The following MROH2A variants were observed in gnomAD, a reference collection of about 807,000 sequenced individuals.
MROH2A encodes maestro heat like repeat family member 2A, also known as maestro heat-like repeat-containing protein family member 2A.
A neutral mutation model predicts 200.4 loss-of-function variants in MROH2A; 174 were observed. That is an observed-to-expected ratio of 0.87 (90% CI 0.77 to 0.98). The LOEUF (loss-of-function observed/expected upper bound fraction) is 0.98. MROH2A is among the 50% of genes least tolerant of loss of function. The probability of loss-of-function intolerance (pLI) is 0.00; values close to 1 mark genes in which losing one functional copy is unlikely to be tolerated. For missense variants in MROH2A, 2,045 were observed against 2,139.6 expected (o/e 0.96, Z 0.87); for synonymous variants, 829 against 840.4 (o/e 0.99, Z 0.23).
In MROH2A at chr2:233,822,200, C is replaced by G; in HGVS notation, c.3589C>G (p.Arg1197Gly). 1 of 1,549,132 alleles carries G rather than the reference C, an allele frequency of 6.5e-7. No homozygotes were observed. The highest frequency in any genetic ancestry group is 1.2e-5 in the South Asian group (1 of 84,060). The change falls in exon 32 of 42, where the codon CGG (arginine) becomes GGG (glycine). Residue 1197 changes from arginine to glycine, a missense_variant. Transcript: ENST00000389758. ...GACCATGCTCCACAGCCTGATGGGC[C>G]GGCTGCAGTCACGGCTCAGCCCCAG... ...ARTMLHSLMG[R>G]LQSRLSPRIS...
chr2:233,776,881 T>A (rs7586006), upstream of MROH2A, among the ~76,000 whole-genome samples: 1 of 152,056 alleles, frequency 6.6e-6, no homozygotes, highest in Non-Finnish European at 1.5e-5. Context: ...GTTTCAAGTC[T>A]AGGCCTCAAG....
Position 233,805,090 on chromosome 2 carries a change from T to C in MROH2A, c.2031T>C (p.Phe677=). 6.5e-7 allele frequency: 1 copy of C among 1,549,574 alleles called. No homozygotes were observed. The highest frequency in any genetic ancestry group is 2.4e-5 in the East Asian group (1 of 40,864). ...AGCTGAACAACCAGATTGCGAGCTT[T>C]GACAGCCCCTCTCTGGAGAAGGTTT... is the stretch of plus-strand genomic sequence containing the variant. ...SKELNNQIAS[F]DSPSLEKGFL... is the part of the protein sequence containing the mutation. The change falls in exon 19 of 42, where the codon TTT becomes TTC. Residue 677 remains phenylalanine (F), a synonymous_variant. Transcript: ENST00000389758.
chr2:233,822,326 G>A (rs1436650955), intron 32 of MROH2A, 37 bp from the exon 33 acceptor site: 4 of 1,548,426 alleles, frequency 2.6e-6, no homozygotes, highest in Non-Finnish European at 3.5e-6. Flanking sequence ...AGGGGTCTCT[G>A]GGTAGGAGCC....
Position 233,789,745 on chromosome 2 carries a change from G to GCT in MROH2A, c.409-106_409-105dup, listed in dbSNP as rs1701604560. ...AGTTACCTCTCAGAGCAGGGGTAAG[G>GCT]CTGAGCCCAAGGGAACCAGGAGGGG... On this transcript the variant is annotated intron_variant, in intron 4 of 41. Coordinates refer to ENST00000389758, the MANE Select transcript of MROH2A (RefSeq NM_001394639.1). The GCT allele has an allele frequency of 8.1e-6, 12 of 1,475,544 alleles. No individual in the cohort carries two copies. In the East Asian group the frequency reaches 3.0e-4, roughly 37 times the overall value. 91.4% of individuals were successfully genotyped at this position (1,475,544 alleles called of 1,614,324 possible).
In MROH2A at chr2:233,818,767, C is replaced by T. The variant is rs934298166; in HGVS notation, c.3201C>T (p.Ala1067=). 1 of 1,540,620 alleles carries T rather than the reference C, an allele frequency of 6.5e-7. No individual in the cohort carries two copies. The highest frequency in any genetic ancestry group is 8.8e-7 in the Non-Finnish European group (1 of 1,138,522). Residue 1067 remains alanine (A), a synonymous_variant, in exon 29 of 42, where the codon GCC becomes GCT. Transcript: ENST00000389758. The part of the protein sequence containing the change: ...EKIFCASSRI[A]KVVCMEFSCD... Reference sequence around the variant, plus strand: ...TCTTCTGTGCATCCTCCAGAATCGCCAAGGTGACAGCCGGGGAGCCTGCCT... The same window carrying T: ...TCTTCTGTGCATCCTCCAGAATCGCTAAGGTGACAGCCGGGGAGCCTGCCT...
chr2:233,824,559 G>A (rs1704176941), intron 35 of MROH2A, among the ~76,000 whole-genome samples: 1 of 152,204 alleles, frequency 6.6e-6, no homozygotes, highest in East Asian at 1.9e-4. Context: ...AGCCACACAG[G>A]GCCAGGCGCA....
chr2:233,793,613 G>A (rs538269513), intron 6 of MROH2A, 60 bp from the exon 7 acceptor site: 1,649 of 1,323,406 alleles, frequency 1.2e-3, no homozygotes, highest in Non-Finnish European at 1.5e-3. Flanking sequence ...GGGCTGGGAA[G>A]GCTTGGTTCT....
At chr2:233,780,081 C>CGTA (rs1363471904) in intron 3 of MROH2A, among the ~76,000 whole-genome samples, 1 of 152,178 alleles carries the variant, frequency 6.6e-6, no homozygotes, top group Non-Finnish European at 1.5e-5. Context: ...AGCCATTGTC[C>CGTA]TACAGCACAT....
chr2:233,799,427 G>T (rs1054346200), intron 12 of MROH2A, among the ~76,000 whole-genome samples: 1 of 152,150 alleles, frequency 6.6e-6, no homozygotes, highest in Non-Finnish European at 1.5e-5. Context: ...GAAGAGGCTC[G>T]TTCTGCATCT....
chr2:233,816,452 T>A (rs1487515959), intron 26 of MROH2A, among the ~76,000 whole-genome samples: 1 of 152,258 alleles, frequency 6.6e-6, no homozygotes, highest in Non-Finnish European at 1.5e-5. Flanking sequence ...TCTATGGTAA[T>A]GTCATTTGCT....
intron 30 of MROH2A, 133 bp downstream of exon 30, chr2:233,819,602 A>G: frequency 1.0e-6 from 1 of 996,050 alleles, no homozygotes; most frequent in Non-Finnish European, 1.4e-6. Flanking sequence ...GCTAAAGAGG[A>G]GGAGGAAACA....
intron 16 of MROH2A, 110 bp downstream of exon 16, chr2:233,803,598 G>T: frequency 2.6e-6 from 3 of 1,156,994 alleles, no homozygotes; most frequent in Non-Finnish European, 3.7e-6. Context: ...AAGCTGAGGT[G>T]CAATGAGGGA....
upstream of MROH2A, among the ~76,000 whole-genome samples, chr2:233,775,909 C>T (rs1420596326): frequency 6.6e-6 from 1 of 152,200 alleles, no homozygotes; most frequent in Non-Finnish European, 1.5e-5. Context: ...AGTGAGTTCT[C>T]ACAAGATCTG....
chr2:233,782,555 T>A (rs747982186), intron 3 of MROH2A, among the ~76,000 whole-genome samples: 1 of 152,254 alleles, frequency 6.6e-6, no homozygotes, highest in Non-Finnish European at 1.5e-5. Context: ...GATTTTTGTA[T>A]GTTAATTTTG....
At chr2:233,795,798 G>A in intron 9 of MROH2A, 53 bp downstream of exon 9, 7 of 1,550,574 alleles carry the variant, frequency 4.5e-6, no homozygotes, top group Non-Finnish European at 6.1e-6. Context: ...GGATCAGCAG[G>A]AAGCTGGCGG....
intron 19 of MROH2A, among the ~76,000 whole-genome samples, chr2:233,806,149 A>T (rs761795921): frequency 6.6e-6 from 1 of 152,194 alleles, no homozygotes; most frequent in Non-Finnish European, 1.5e-5. Flanking sequence ...ATGTTCTTCC[A>T]TAACAGATCA....
chr2:233,800,329 G>GCCCCACCCGCACAGTGGGTCA lies in MROH2A; in HGVS notation c.1560+17_1560+37dup, dbSNP rs1702382074. ...GGGATGACCACCGTGAGTGGGCCCTGCCCCACCCGCACAGTGGGTCACCAC... is the reference window on the plus strand; with the variant it reads ...GGGATGACCACCGTGAGTGGGCCCTGCCCCACCCGCACAGTGGGTCACCCCACCCGCACAGTGGGTCACCAC... On this transcript the variant is annotated intron_variant, in intron 14 of 41. Coordinates refer to ENST00000389758, the MANE Select transcript of MROH2A (RefSeq NM_001394639.1). 6.7e-7 allele frequency: 1 copy of GCCCCACCCGCACAGTGGGTCA among 1,490,546 alleles called. No homozygotes were observed. Among genetic ancestry groups the GCCCCACCCGCACAGTGGGTCA allele is most frequent in the African/African-American group, 1.4e-5 (1 of 71,340 alleles). The allele number at this position is 1,490,546 out of a possible 1,614,324, so 92.3% of individuals were successfully genotyped here. A position where few individuals can be genotyped will look rare whatever the true frequency, so the allele number is the denominator to read the frequency against.
intron 22 of MROH2A, 25 bp downstream of exon 22, chr2:233,809,303 G>C (rs182125404): frequency 6.5e-7 from 1 of 1,546,516 alleles, no homozygotes; most frequent in Non-Finnish European, 8.7e-7. Context: ...TGCCTGGGGG[G>C]ATGTCTTCTG....
chr2:233,816,196 G>A (rs772348204), intron 26 of MROH2A, among the ~76,000 whole-genome samples: 1 of 152,212 alleles, frequency 6.6e-6, no homozygotes, highest in Non-Finnish European at 1.5e-5. Context: ...ATTAGGCCAA[G>A]TTGGTTAATA....
Sources: gnomAD v4.1 joint callset for allele counts (sites outside exome capture counted in the v4.1 genomes callset) on GRCh38, gnomAD v4.1.1 for gene constraint, MANE v1.5 for transcripts, NCBI Gene and HGNC (gene_info 2026-07-23, HGNC 2026-07-21) for gene names.